Variants in RIN2 observed in about 807,000 individuals in gnomAD.
RIN2 encodes the protein RAB5 interacting protein 2.
Under a neutral mutation model 78.0 loss-of-function variants are expected in RIN2, and 36 were observed. The observed-to-expected ratio is 0.46, with a 90% CI of 0.35 to 0.61. The LOEUF (loss-of-function observed/expected upper bound fraction) is 0.61, where lower values mean the gene tolerates loss of function less well. Among genes scored for constraint, RIN2 ranks in the 20% least tolerant of loss-of-function variants. The pLI is 0.00. For missense variants in RIN2, 1,087 were observed against 1,159.7 expected (o/e 0.94, Z 0.91); for synonymous variants, 466 against 466.8 (o/e 1.00, Z 0.02).
At chr20:19,910,871 G>C (rs1029226175) in intron 3 of RIN2, among the ~76,000 whole-genome samples, 4 of 150,906 alleles carry the variant, frequency 2.7e-5, no homozygotes, top group African/African-American at 9.7e-5. Context: ...CACCCAGCCA[G>C]GAAGTGAGTT....
chr20:19,899,489 T>G (rs1406275602), intron 3 of RIN2, among the ~76,000 whole-genome samples: 1 of 152,206 alleles, frequency 6.6e-6, no homozygotes, highest in Non-Finnish European at 1.5e-5. Flanking sequence ...CTTAGTGACT[T>G]CAAACCGCAA....
At chr20:19,788,432 C>CAAAAAAAAAA (rs1224663738) in intron 1 of RIN2, among the ~76,000 whole-genome samples, 51 of 53,732 alleles carry the variant, frequency 9.5e-4, no homozygotes, top group African/African-American at 2.3e-3. Flanking sequence ...CTGTCTCTGC[C>CAAAAAAAAAA]AAAAAAAAAA....
At chr20:19,899,448 A>G (rs932168237) in intron 3 of RIN2, among the ~76,000 whole-genome samples, 6 of 152,332 alleles carry the variant, frequency 3.9e-5, no homozygotes, top group South Asian at 4.1e-4. Flanking sequence ...AAGCTGTACT[A>G]TCTATTGCTG....
At chr20:19,958,184 C>T (rs182544101) in intron 5 of RIN2, among the ~76,000 whole-genome samples, 1 of 152,368 alleles carries the variant, frequency 6.6e-6, no homozygotes, top group African/African-American at 2.4e-5. Flanking sequence ...TCTGCTAGAA[C>T]ATGCTCAGGG....
intron 3 of RIN2, among the ~76,000 whole-genome samples, chr20:19,910,284 TC>T (rs2039404292): frequency 6.9e-6 from 1 of 145,244 alleles, no homozygotes; most frequent in African/African-American, 2.6e-5. Flanking sequence ...TCAAGTGATT[TC>T]CCCTTGAATC....
chr20:19,936,873 T>A (rs1203197891), intron 4 of RIN2, among the ~76,000 whole-genome samples: 2 of 152,206 alleles, frequency 1.3e-5, no homozygotes, highest in Non-Finnish European at 2.9e-5. Flanking sequence ...TTGGCTTTTT[T>A]TTAACAGAAA....
chr20:19,977,642 G>A (rs1010253935), intron 9 of RIN2, among the ~76,000 whole-genome samples: 4 of 152,104 alleles, frequency 2.6e-5, no homozygotes, highest in Non-Finnish European at 5.9e-5. Context: ...TAGCAGGTGC[G>A]GTATTTGAAC....
chr20:19,768,718 A>G (rs1277261414), intron 1 of RIN2, among the ~76,000 whole-genome samples: 1 of 152,110 alleles, frequency 6.6e-6, no homozygotes, highest in Non-Finnish European at 1.5e-5. Context: ...TACTGACATT[A>G]CACAGCATGA....
intron 3 of RIN2, 65 bp from the exon 4 acceptor site, chr20:19,935,034 C>T (rs117184213): frequency 1.1e-5 from 13 of 1,212,216 alleles, no homozygotes; most frequent in Middle Eastern, 1.9e-4. Flanking sequence ...CTGAGTTCCC[C>T]GGGCGCTGTG....
chr20:19,851,491 G>T (rs2036980507), intron 2 of RIN2, among the ~76,000 whole-genome samples: 1 of 152,152 alleles, frequency 6.6e-6, no homozygotes. Context: ...AGGAGGCTGA[G>T]GCAGGAAGAT....
chr20:19,942,293 C>T (rs2040910363), intron 4 of RIN2, among the ~76,000 whole-genome samples: 1 of 151,976 alleles, frequency 6.6e-6, no homozygotes, highest in East Asian at 1.9e-4. Flanking sequence ...AGCAGATGTC[C>T]CAAGAACCTC....
chr20:19,916,428 GGACAAACTAGCGA>G (rs1338356248), intron 3 of RIN2, among the ~76,000 whole-genome samples: 28 of 152,236 alleles, frequency 1.8e-4, no homozygotes, highest in Admixed American at 5.2e-4. Flanking sequence ...AGTCCATCCT[GGACAAACTAGCGA>G]GATTCCATCT....
At chr20:19,886,016 C>A (rs906974232) in intron 2 of RIN2, among the ~76,000 whole-genome samples, 1 of 151,288 alleles carries the variant, frequency 6.6e-6, no homozygotes, top group Non-Finnish European at 1.5e-5. Context: ...GGGGAATAGG[C>A]GACGGGGGAG....
intron 1 of RIN2, among the ~76,000 whole-genome samples, chr20:19,766,483 T>A (rs1224682760): frequency 6.6e-6 from 1 of 152,064 alleles, no homozygotes; most frequent in Non-Finnish European, 1.5e-5. Context: ...AAGGGCAATG[T>A]GGTTGCATAC....
chr20:19,974,036 T>TG (rs1482226913), intron 8 of RIN2, among the ~76,000 whole-genome samples: 1 of 152,222 alleles, frequency 6.6e-6, no homozygotes, highest in East Asian at 1.9e-4. Context: ...TGGTTGGGCC[T>TG]GCACTGCACA....
At chr20:19,950,533 A>AT (rs1051591681) in intron 4 of RIN2, among the ~76,000 whole-genome samples, 1 of 150,942 alleles carries the variant, frequency 6.6e-6, no homozygotes, top group African/African-American at 2.4e-5. Context: ...TTATCTCCCT[A>AT]TTTTTTTTCT....
chr20:19,984,069 C>T (rs1269997687), intron 9 of RIN2, among the ~76,000 whole-genome samples: 1 of 148,722 alleles, frequency 6.7e-6, no homozygotes, highest in Non-Finnish European at 1.5e-5. Flanking sequence ...AGCTGGAAAC[C>T]ATCATTCTGA....
chr20:19,995,997 T>A (rs2042950113), intron 11 of RIN2, among the ~76,000 whole-genome samples: 1 of 152,140 alleles, frequency 6.6e-6, no homozygotes, highest in Non-Finnish European at 1.5e-5. Flanking sequence ...CAACTACTCC[T>A]GGCAAACATT....
chr20:19,823,897 C>T, intron 2 of RIN2: 1 of 1,598,432 alleles, frequency 6.3e-7, no homozygotes, highest in Non-Finnish European at 8.5e-7. Flanking sequence ...TCCGGTGCAC[C>T]TCAGGTATAC....
Sources: allele counts gnomAD v4.1 joint callset (sites outside exome capture counted in the v4.1 genomes callset), GRCh38; gene constraint gnomAD v4.1.1; transcripts MANE v1.5; gene names NCBI Gene and HGNC (gene_info 2026-07-23, HGNC 2026-07-21).